The following TDO2 variants were observed in gnomAD, a reference collection of about 807,000 sequenced individuals.
The protein encoded by TDO2 is tryptamin 2,3-dioxygenase.
TDO2 carries 63 observed loss-of-function variants against 61.2 expected under a neutral mutation model. The observed-to-expected ratio is 1.03, with a 90% CI of 0.84 to 1.27. The LOEUF (loss-of-function observed/expected upper bound fraction) is 1.27. Among genes scored for constraint, TDO2 ranks in the 50% most tolerant of loss-of-function variants. The pLI is 0.00. For synonymous variants in TDO2, 183 were observed against 164.0 expected (o/e 1.12, Z -0.89); for missense variants, 494 against 469.5 (o/e 1.05, Z -0.48).
chr4:155,919,823 G>T lies in TDO2; in HGVS notation c.1068-14G>T, dbSNP rs770587635. ...GTCAACCAATGTAACACATCTTCAT[G>T]TATGTTTTTCCAGTGATAGGTACAA... On this transcript the variant is annotated splice_polypyrimidine_tract_variant and intron_variant, in intron 11 of 11. Transcript: ENST00000536354. The T allele has an allele frequency of 2.5e-6, 4 of 1,587,328 alleles. No individual in the cohort carries two copies. The South Asian group carries it at 4.7e-5, about 19-fold the overall frequency.
rs747302408 is a variant in TDO2 at position 155,915,905 on chromosome 4, T to A, written c.889T>A (p.Phe297Ile). Residue 297 changes from phenylalanine (F) to isoleucine (I), a missense_variant, in exon 9 of 12, where the codon TTT becomes ATT. Physicochemically the swap from Phe to Ile is conservative, Grantham distance 21. Transcript: ENST00000536354. Reference sequence around the variant, plus strand: ...ACTTCAGGGAGCATTGATGATATATTTTTACAGGTAAAGCAAATCCGAAGA... The same window carrying A: ...ACTTCAGGGAGCATTGATGATATATATTTACAGGTAAAGCAAATCCGAAGA... ...RALQGALMIY[F>I]YREEPRFQVP... is the part of the protein sequence containing the mutation. 1 of 1,607,812 alleles carries A rather than the reference T, an allele frequency of 6.2e-7. No individual in the cohort carries two copies. The highest frequency in any genetic ancestry group is 1.3e-5 in the African/African-American group (1 of 74,540).
In TDO2 at chr4:155,904,274, G is replaced by A. The variant is rs376815067; in HGVS notation, c.141+151G>A. On this transcript the variant is annotated intron_variant, in intron 2 of 11. Coordinates refer to ENST00000536354, the MANE Select transcript of TDO2 (RefSeq NM_005651.4). Reference sequence around the variant, plus strand: ...TATTTTTATTCATAAACACTTTTACGTTTTCAACTTTTGTTAGAATAATTC... The same window carrying A: ...TATTTTTATTCATAAACACTTTTACATTTTCAACTTTTGTTAGAATAATTC... The A allele has an allele frequency of 3.2e-4, 196 of 622,132 alleles. 1 individual carries two copies. The highest frequency in any genetic ancestry group is 3.0e-3 in the African/African-American group (160 of 53,828). The allele number at this position is 622,132 out of a possible 1,614,324, so 38.5% of individuals were successfully genotyped here. A position where few individuals can be genotyped will look rare whatever the true frequency, so the allele number is the denominator to read the frequency against.
At chr4:155,908,323 G>T (rs1422830862) in intron 4 of TDO2, among the ~76,000 whole-genome samples, 2 of 152,126 alleles carry the variant, frequency 1.3e-5, no homozygotes, top group Admixed American at 1.3e-4. Context: ...AGGAGCTTGA[G>T]GTGCACTTCT....
At position 155,920,207 on chromosome 4, in the gene TDO2, G is replaced by A; in HGVS notation, c.*217G>A. On this transcript the variant is annotated 3_prime_UTR_variant, in exon 12 of 12. Coordinates refer to ENST00000536354, the MANE Select transcript of TDO2 (RefSeq NM_005651.4). ...CATTTAAATAGTAACATTGTACATA[G>A]GGTGTTTTCCTATTAAAAATTCAGT... 1.9e-6 allele frequency: 1 copy of A among 513,616 alleles called. No homozygotes were observed. Among genetic ancestry groups the A allele is most frequent in the South Asian group, 2.7e-5 (1 of 37,042 alleles). The allele number at this position is 513,616 out of a possible 1,614,324, so 31.8% of individuals were successfully genotyped here.
rs1466371577 is a variant in TDO2 at position 155,905,159 on chromosome 4, TA to T, written c.232+4del. On this transcript the variant is annotated splice_donor_region_variant and intron_variant, in intron 3 of 11. Transcript: ENST00000536354. ...ATCTTTTTATCATAACTCATCAAGG[TA>T]AGTTGCACAAAGGTTTTGGACAATA... 6.3e-7 allele frequency: 1 copy of T among 1,575,370 alleles called. No homozygotes were observed. Among genetic ancestry groups the T allele is most frequent in the Non-Finnish European group, 8.6e-7 (1 of 1,162,324 alleles).
intron 11 of TDO2, among the ~76,000 whole-genome samples, 178 bp from the exon 12 acceptor site, chr4:155,919,659 A>G (rs960561402): frequency 7.2e-5 from 11 of 152,160 alleles, no homozygotes; most frequent in Admixed American, 4.6e-4. Flanking sequence ...TAAAAAGCAG[A>G]CAATCAATAC....
Position 155,903,717 on chromosome 4 carries a change from T to G in TDO2, c.-42T>G. ...GGGAAGGTCAATGATAGCATCTGCC[T>G]AGAGTCAAACCTCCGTGCTTCTCAG... On this transcript the variant is annotated 5_prime_UTR_variant, in exon 1 of 12. An upstream open reading frame in the 5' UTR loses its in-frame stop. Transcript: ENST00000536354. The G allele has an allele frequency of 6.2e-7, 1 of 1,613,594 alleles. No homozygotes were observed. The highest frequency in any genetic ancestry group is 1.1e-5 in the South Asian group (1 of 91,078).
intron 8 of TDO2, 57 bp from the exon 9 acceptor site, chr4:155,915,798 T>C: frequency 6.8e-7 from 1 of 1,465,930 alleles, no homozygotes; most frequent in Non-Finnish European, 9.4e-7. Flanking sequence ...GATGCCAAAT[T>C]AATACAAAAT....
At chr4:155,905,933 A>T (rs1742710531) in intron 3 of TDO2, 1 of 152,164 alleles carries the variant, frequency 6.6e-6, no homozygotes, top group Non-Finnish European at 1.5e-5. Flanking sequence ...AAAAGTTAAA[A>T]AACTGGCTTA....
Position 155,911,563 on chromosome 4 carries a change from A to C in TDO2, c.685A>C (p.Asn229His), listed in dbSNP as rs116105292. 0.039 allele frequency: 61,973 copies of C among 1,600,778 alleles called. 1,376 individuals carry two copies. Among genetic ancestry groups the C allele is most frequent in the Non-Finnish European group, 0.045 (52,330 of 1,172,762 alleles). ...GFNFWGKLEKNITRGLEEEFI... is the reference protein window; with the variant it reads ...GFNFWGKLEKHITRGLEEEFI... ...TAACTTCTGGGGAAAGCTTGAAAAAAATATCACCAGAGGCCTGGAAGAGGA... is the reference window on the plus strand; with the variant it reads ...TAACTTCTGGGGAAAGCTTGAAAAACATATCACCAGAGGCCTGGAAGAGGA... The change falls in exon 7 of 12, where the codon AAT becomes CAT. Residue 229 changes from asparagine (N) to histidine (H), a missense_variant. Coordinates refer to ENST00000536354, the MANE Select transcript of TDO2 (RefSeq NM_005651.4).
At chr4:155,904,211 AT>A in intron 2 of TDO2, 88 bp downstream of exon 2, 1 of 965,358 alleles carries the variant, frequency 1.0e-6, no homozygotes, top group South Asian at 1.6e-5. Flanking sequence ...ATTTCTTGGA[AT>A]TAGGGAAAGT....
chr4:155,917,823 G>A (rs1243557331), intron 10 of TDO2, among the ~76,000 whole-genome samples: 2 of 152,008 alleles, frequency 1.3e-5, no homozygotes, highest in Non-Finnish European at 2.9e-5. Context: ...AATTTTAATA[G>A]TTTTTTTATT....
In TDO2 at chr4:155,908,860, CTCAGTGTT is replaced by C. The variant is rs1481127191; in HGVS notation, c.304-23_304-16del. ...ATTTTCTAGAGGTCAGCATTGCTAA[CTCAGTGTT>C]TCATTTCTTAACCTTCAGGTCAGAG... On this transcript the variant is annotated intron_variant, in intron 4 of 11. Coordinates refer to ENST00000536354, the MANE Select transcript of TDO2 (RefSeq NM_005651.4). The C allele has an allele frequency of 5.0e-6, 8 of 1,597,498 alleles. No homozygotes were observed. The highest frequency in any genetic ancestry group is 6.0e-6 in the Non-Finnish European group (7 of 1,172,196).
chr4:155,917,291 G>A, intron 9 of TDO2, 104 bp from the exon 10 acceptor site: 1 of 882,614 alleles, frequency 1.1e-6, no homozygotes, highest in Non-Finnish European at 1.7e-6. Context: ...CACAGGCAAA[G>A]CTGACATTTG....
chr4:155,906,082 T>C (rs1444080770), intron 3 of TDO2: 5 of 152,148 alleles, frequency 3.3e-5, no homozygotes, highest in African/African-American at 7.2e-5. Flanking sequence ...TCTACTGTTA[T>C]AAATTGTGTG....
At chr4:155,908,699 T>C (rs1742763775) in intron 4 of TDO2, among the ~76,000 whole-genome samples, 188 bp from the exon 5 acceptor site, 1 of 152,198 alleles carries the variant, frequency 6.6e-6, no homozygotes, top group Admixed American at 6.5e-5. Flanking sequence ...AAGAAAAAAT[T>C]TCTTATTTTG....
chr4:155,916,785 C>T (rs6817205), intron 9 of TDO2, among the ~76,000 whole-genome samples: 131,592 of 152,134 alleles, frequency 0.86, 57,381 homozygotes, highest in East Asian at 0.92. Context: ...ATTTACAGGC[C>T]GTCATGCTTC....
At position 155,907,759 on chromosome 4, in the gene TDO2, G is replaced by A. The variant is rs1041120463; in HGVS notation, c.270G>A (p.Leu90=). ...ELWFKQILWE[L]DSVREIFQNG... ...GGTTTAAGCAAATCCTCTGGGAGTT[G>A]GATTCTGTTCGAGAGATCTTTCAGA... The change falls in exon 4 of 12, where the codon TTG becomes TTA. Residue 90 remains leucine, a synonymous_variant. Coordinates refer to ENST00000536354, the MANE Select transcript of TDO2 (RefSeq NM_005651.4). 9.3e-6 allele frequency: 15 copies of A among 1,613,278 alleles called. No individual in the cohort carries two copies. The African/African-American group carries it at 2.0e-4, about 22-fold the overall frequency.
chr4:155,908,658 A>G (rs113890628), intron 4 of TDO2, among the ~76,000 whole-genome samples: 44 of 152,326 alleles, frequency 2.9e-4, no homozygotes, highest in Non-Finnish European at 5.6e-4. Context: ...TACTTCTGCT[A>G]TGCTTCTATA....
Sources: allele counts gnomAD v4.1 joint callset (sites outside exome capture counted in the v4.1 genomes callset), GRCh38; gene constraint gnomAD v4.1.1; transcripts MANE v1.5; gene names NCBI Gene and HGNC (gene_info 2026-07-23, HGNC 2026-07-21).